Variants in ENTPD3 observed in about 807,000 individuals in gnomAD.
ENTPD3 encodes the protein CD39 antigen-like 3.
Under a neutral mutation model 51.2 loss-of-function variants are expected in ENTPD3, and 60 were observed. That is an observed-to-expected ratio of 1.17 (90% confidence interval 0.95 to 1.45). The LOEUF (loss-of-function observed/expected upper bound fraction) is 1.45. ENTPD3 is among the 40% of genes most tolerant of loss of function. The probability of loss-of-function intolerance (pLI) is 0.00; values close to 1 mark genes in which losing one functional copy is unlikely to be tolerated. For missense variants in ENTPD3, 593 were observed against 641.1 expected (o/e 0.93, Z 0.81); for synonymous variants, 221 against 238.4 (o/e 0.93, Z 0.67).
intron 5 of ENTPD3, 135 bp downstream of exon 5, chr3:40,412,097 T>G: frequency 1.1e-6 from 1 of 941,214 alleles, no homozygotes; most frequent in Non-Finnish European, 1.4e-6. Context: ...TGCCATAAAT[T>G]TGGGCTTTAA....
At chr3:40,392,720 C>A (rs1173352679) in intron 3 of ENTPD3, among the ~76,000 whole-genome samples, 1 of 152,006 alleles carries the variant, frequency 6.6e-6, no homozygotes, top group Non-Finnish European at 1.5e-5. Flanking sequence ...CTTCGAGAGG[C>A]CGAGGAAGAA....
intron 7 of ENTPD3, among the ~76,000 whole-genome samples, chr3:40,419,899 T>TG (rs570408371): frequency 1.6e-3 from 243 of 152,354 alleles, no homozygotes; most frequent in Non-Finnish European, 2.7e-3. Flanking sequence ...GACAGTGCCC[T>TG]GCAAACACTA....
At chr3:40,387,908 G>C (rs763808595) in intron 1 of ENTPD3, 138 bp from the exon 2 acceptor site, 11 of 607,768 alleles carry the variant, frequency 1.8e-5, no homozygotes, top group Admixed American at 1.0e-4. Context: ...GAAGTTCTGG[G>C]GTTCGGCTTA....
At chr3:40,413,163 C>T (rs1955672930) in intron 5 of ENTPD3, among the ~76,000 whole-genome samples, 1 of 152,158 alleles carries the variant, frequency 6.6e-6, no homozygotes, top group African/African-American at 2.4e-5. Flanking sequence ...AAGCCAGCTG[C>T]AGGATGTGCT....
At chr3:40,424,021 T>A (rs894807574) in intron 10 of ENTPD3, 58 bp downstream of exon 10, 66 of 1,610,652 alleles carry the variant, frequency 4.1e-5, no homozygotes, top group Non-Finnish European at 5.2e-5. Context: ...TTTGTATGTG[T>A]GTGTGGAACA....
Position 40,406,689 on chromosome 3 carries a change from T to C in ENTPD3, c.287-5123T>C, listed in dbSNP as rs528791585. ...TGTCTGGAGATCTTTTCGATTGTCA[T>C]GACTGGGTCCGTGGTGCTACTAGCA... On this transcript the variant is annotated intron_variant, in intron 4 of 10. Coordinates refer to ENST00000301825, the MANE Select transcript of ENTPD3 (RefSeq NM_001248.4). Among the ~76,000 whole-genome samples the C allele has an allele frequency of 2.7e-4, 41 of 152,288 alleles. No homozygotes were observed. The South Asian group carries it at 7.9e-3, about 29-fold the overall frequency.
intron 7 of ENTPD3, among the ~76,000 whole-genome samples, chr3:40,421,310 C>T (rs1955867083): frequency 6.6e-6 from 1 of 152,110 alleles, no homozygotes; most frequent in Admixed American, 6.5e-5. Flanking sequence ...AGATGTGAGC[C>T]ATCACACCCA....
At chr3:40,398,130 A>G (rs1955253560) in intron 3 of ENTPD3, among the ~76,000 whole-genome samples, 1 of 152,212 alleles carries the variant, frequency 6.6e-6, no homozygotes, top group Non-Finnish European at 1.5e-5. Context: ...CCGGAGGGAC[A>G]GCCATTTCTC....
At chr3:40,411,748 A>T in intron 4 of ENTPD3, 64 bp from the exon 5 acceptor site, 3 of 1,478,766 alleles carry the variant, frequency 2.0e-6, no homozygotes, top group Non-Finnish European at 2.7e-6. Context: ...TTTTTTATTT[A>T]AAAGTTGTAT....
chr3:40,423,719 A>G, intron 9 of ENTPD3, 107 bp from the exon 10 acceptor site: 1 of 1,287,506 alleles, frequency 7.8e-7, no homozygotes, highest in Admixed American at 2.2e-5. Context: ...ATTTTCTATT[A>G]TGAAATTATG....
chr3:40,397,556 C>G (rs1351651034), intron 3 of ENTPD3, among the ~76,000 whole-genome samples: 1 of 152,106 alleles, frequency 6.6e-6, no homozygotes, highest in Non-Finnish European at 1.5e-5. Flanking sequence ...ACACAAAGCA[C>G]TTTCTGCAGT....
At chr3:40,426,107 C>CTTTTTTTTTTTTTTTTTTTT (rs35267876) in intron 10 of ENTPD3, among the ~76,000 whole-genome samples, 1 of 112,446 alleles carries the variant, frequency 8.9e-6, no homozygotes, top group Non-Finnish European at 1.7e-5. Flanking sequence ...TTTTTCTTTT[C>CTTTTTTTTTTTTTTTTTTTT]TTTTTTTTTT....
intron 10 of ENTPD3, among the ~76,000 whole-genome samples, chr3:40,426,112 T>TC (rs959935009): frequency 1.2e-4 from 17 of 143,374 alleles, no homozygotes; most frequent in Admixed American, 1.4e-4. Flanking sequence ...CTTTTCTTTT[T>TC]TTTTTTTTTT....
At chr3:40,391,431 C>T (rs1008034155) in intron 2 of ENTPD3, 2 of 151,776 alleles carry the variant, frequency 1.3e-5, no homozygotes, top group Non-Finnish European at 2.9e-5. Context: ...AATCCCAGCA[C>T]TTTGGGAGAC....
intron 4 of ENTPD3, among the ~76,000 whole-genome samples, chr3:40,406,966 C>T (rs34145192): frequency 5.3e-5 from 8 of 152,040 alleles, no homozygotes; most frequent in Non-Finnish European, 7.4e-5. Context: ...CTTAGATTTG[C>T]GAGGTATTTT....
chr3:40,390,488 C>G, intron 2 of ENTPD3, among the ~76,000 whole-genome samples: 1 of 152,166 alleles, frequency 6.6e-6, no homozygotes, highest in South Asian at 2.1e-4. Context: ...AGCCACTATA[C>G]CCAGCCCAAG....
In ENTPD3 at chr3:40,412,042, T is replaced by C. The variant is rs1021727474; in HGVS notation, c.437+80T>C. 2.2e-6 allele frequency: 3 copies of C among 1,349,198 alleles called. No individual in the cohort carries two copies. The African/African-American group carries it at 4.5e-5, about 20-fold the overall frequency. The allele number at this position is 1,349,198 out of a possible 1,614,324, so 83.6% of individuals were successfully genotyped here. ...TTGAATCTTGCCAAGAATGTAACTCTATTTCTGGGAACAACCCTCGCCCCC... is the reference window on the plus strand; with the variant it reads ...TTGAATCTTGCCAAGAATGTAACTCCATTTCTGGGAACAACCCTCGCCCCC... On this transcript the variant is annotated intron_variant, in intron 5 of 10. Transcript: ENST00000301825.
At position 40,423,373 on chromosome 3, in the gene ENTPD3, G is replaced by C; in HGVS notation, c.1187G>C (p.Trp396Ser). 1 of 1,613,564 alleles carries C rather than the reference G, an allele frequency of 6.2e-7. No individual in the cohort carries two copies. Among genetic ancestry groups the C allele is most frequent in the Admixed American group, 1.7e-5 (1 of 60,006 alleles). The change falls in exon 9 of 11, where the codon TGG becomes TCG. Residue 396 changes from tryptophan to serine, a missense_variant. Trp to Ser is a radical substitution (Grantham distance 177). Coordinates refer to ENST00000301825, the MANE Select transcript of ENTPD3 (RefSeq NM_001248.4). ...CTGGACACCTTCAACTCCAGCACCT[G>C]GAATTTCTGCTCACAGAATTGGAGT... ...FSLDTFNSST[W>S]NFCSQNWSQL... is the part of the protein sequence containing the mutation.
chr3:40,392,014 T>C lies in ENTPD3; in HGVS notation c.41-9T>C, dbSNP rs1955068926. On this transcript the variant is annotated splice_polypyrimidine_tract_variant and intron_variant, in intron 2 of 10. Transcript: ENST00000301825. ...CCCCTCAAGTGTCTTCTGGGTCTTC[T>C]CATTTTAGGCCTCAAGGCCCTCTAC... The C allele has an allele frequency of 6.2e-7, 1 of 1,613,938 alleles. No homozygotes were observed. Among genetic ancestry groups the C allele is most frequent in the Non-Finnish European group, 8.5e-7 (1 of 1,180,032 alleles).
Sources: gnomAD v4.1 joint callset for allele counts (sites outside exome capture counted in the v4.1 genomes callset) on GRCh38, gnomAD v4.1.1 for gene constraint, MANE v1.5 for transcripts, NCBI Gene and HGNC (gene_info 2026-07-23, HGNC 2026-07-21) for gene names.